The following CADM2 variants were observed in gnomAD, a reference collection of about 807,000 sequenced individuals.
CADM2 encodes cell adhesion molecule 2, also known as immunoglobulin superfamily member 4D.
CADM2 carries 12 observed loss-of-function variants against 49.8 expected under a neutral mutation model. The ratio of observed to expected loss-of-function variants is 0.24; its 90% CI spans 0.15 to 0.39. CADM2 has a LOEUF of 0.39. CADM2 is among the 10% of genes least tolerant of loss of function. The pLI is 1.00. For synonymous variants in CADM2, 214 were observed against 175.4 expected, an observed-to-expected ratio of 1.22 and a Z score of -1.74; for missense variants, 378 against 492.3, an observed-to-expected ratio of 0.77 and a Z score of 2.20.
intron 1 of CADM2, chr3:85,512,042 C>A: frequency 1.0e-5 from 2 of 191,370 alleles, no homozygotes; most frequent in Non-Finnish European, 1.9e-5. Flanking sequence ...GGTACATGTA[C>A]AGGTTTGTTA....
chr3:85,247,656 T>C lies in CADM2; in HGVS notation c.61+287988T>C, dbSNP rs190089354. 7.4e-4 allele frequency among the ~76,000 whole-genome samples: 112 copies of C among 152,302 alleles called. 1 individual carries two copies. Among genetic ancestry groups the C allele is most frequent in the Non-Finnish European group, 2.5e-4 (17 of 68,008 alleles). ...AATTATTTAGGAGCTGCGAATTGAC[T>C]TGGAATAGTATGAATTATGTTTGTT... On this transcript the variant is annotated intron_variant, in intron 1 of 9. Coordinates refer to ENST00000383699, the MANE Select transcript of CADM2 (RefSeq NM_001167675.2).
At chr3:85,786,413 G>T (rs1174859093) in intron 2 of CADM2, among the ~76,000 whole-genome samples, 3 of 151,916 alleles carry the variant, frequency 2.0e-5, no homozygotes, top group Non-Finnish European at 4.4e-5. Context: ...ATAGGGTAAT[G>T]TTCCCCTAGA....
intron 1 of CADM2, among the ~76,000 whole-genome samples, chr3:85,015,833 T>G (rs1287853943): frequency 6.6e-6 from 1 of 152,078 alleles, no homozygotes; most frequent in Non-Finnish European, 1.5e-5. Flanking sequence ...TAGAATGGAG[T>G]GTTTCAGGTG....
intron 1 of CADM2, among the ~76,000 whole-genome samples, chr3:85,461,763 A>C (rs925830059): frequency 5.1e-4 from 77 of 152,196 alleles, no homozygotes; most frequent in Admixed American, 4.3e-3. Flanking sequence ...CAATTCTCTC[A>C]TTTGAAAGAA....
At chr3:85,970,760 T>C (rs1378393956) in intron 8 of CADM2, among the ~76,000 whole-genome samples, 1 of 151,602 alleles carries the variant, frequency 6.6e-6, no homozygotes, top group Non-Finnish European at 1.5e-5. Context: ...CACAGTTTAG[T>C]TAATCCTCAA....
At chr3:85,852,909 C>A (rs2075164789) in intron 3 of CADM2, among the ~76,000 whole-genome samples, 1 of 152,022 alleles carries the variant, frequency 6.6e-6, no homozygotes, top group Non-Finnish European at 1.5e-5. Flanking sequence ...TCTGCTGAAT[C>A]AATTAATGGA....
intron 1 of CADM2, among the ~76,000 whole-genome samples, chr3:85,491,191 T>C (rs531584503): frequency 4.9e-4 from 74 of 152,302 alleles, no homozygotes; most frequent in South Asian, 1.0e-3. Flanking sequence ...AAAGCATACA[T>C]GGAAGGCCCT....
intron 1 of CADM2, among the ~76,000 whole-genome samples, chr3:85,272,902 A>G (rs1425059632): frequency 6.6e-6 from 1 of 151,246 alleles, no homozygotes; most frequent in Non-Finnish European, 1.5e-5. Context: ...ACACTAAGCA[A>G]CAACAACAAC....
At chr3:85,422,567 T>A (rs1286682316) in intron 1 of CADM2, among the ~76,000 whole-genome samples, 1 of 152,106 alleles carries the variant, frequency 6.6e-6, no homozygotes, top group East Asian at 1.9e-4. Flanking sequence ...ATGAGCCACC[T>A]CACCCAGCCC....
At position 85,663,591 on chromosome 3, in the gene CADM2, G is replaced by T. The variant is rs183645479; in HGVS notation, c.62-62931G>T. The stretch of plus-strand genomic sequence containing the variant: ...GCTATTACTAGCTGTGACTAGCAAA[G>T]ACCAACTCCTTCAATTTTGTATGGA... On this transcript the variant is annotated intron_variant, in intron 1 of 9. Transcript: ENST00000383699. 1.3e-4 allele frequency among the ~76,000 whole-genome samples: 20 copies of T among 152,124 alleles called. No homozygotes were observed. The East Asian group carries it at 2.3e-3, about 18-fold the overall frequency.
At chr3:85,239,172 G>A (rs2042474310) in intron 1 of CADM2, among the ~76,000 whole-genome samples, 1 of 151,770 alleles carries the variant, frequency 6.6e-6, no homozygotes, top group Non-Finnish European at 1.5e-5. Context: ...CAAGCATGGA[G>A]GAGGAATTTT....
intron 1 of CADM2, among the ~76,000 whole-genome samples, chr3:85,039,336 A>T (rs984259904): frequency 6.6e-6 from 1 of 151,392 alleles, no homozygotes; most frequent in Non-Finnish European, 1.5e-5. Flanking sequence ...GTCCAGTCAG[A>T]GAATCTTTTT....
intron 1 of CADM2, among the ~76,000 whole-genome samples, chr3:85,564,406 C>G (rs2062193728): frequency 6.6e-6 from 1 of 152,070 alleles, no homozygotes; most frequent in Non-Finnish European, 1.5e-5. Flanking sequence ...GAGTAAGAGT[C>G]TAGCACGGGT....
chr3:85,717,440 C>T (rs1004715857), intron 1 of CADM2, among the ~76,000 whole-genome samples: 2 of 152,140 alleles, frequency 1.3e-5, no homozygotes, highest in African/African-American at 4.8e-5. Flanking sequence ...TATCTGCAAA[C>T]AGGTAATTTG....
intron 1 of CADM2, among the ~76,000 whole-genome samples, chr3:85,514,127 T>G (rs746024981): frequency 2.6e-5 from 4 of 152,022 alleles, no homozygotes; most frequent in Non-Finnish European, 5.9e-5. Flanking sequence ...ATTAGCAATT[T>G]TTTTCTTTTA....
intron 1 of CADM2, among the ~76,000 whole-genome samples, chr3:85,138,596 A>AT (rs2039486836): frequency 6.6e-6 from 1 of 152,206 alleles, no homozygotes; most frequent in Non-Finnish European, 1.5e-5. Flanking sequence ...TTGCCATATT[A>AT]TACTATACTA....
intron 1 of CADM2, among the ~76,000 whole-genome samples, chr3:85,473,147 T>C (rs1278848134): frequency 6.6e-6 from 1 of 152,094 alleles, no homozygotes; most frequent in Non-Finnish European, 1.5e-5. Flanking sequence ...GTTACTTTCC[T>C]TTGAAAATGA....
chr3:85,522,677 A>G (rs2061053411), intron 1 of CADM2, among the ~76,000 whole-genome samples: 1 of 152,126 alleles, frequency 6.6e-6, no homozygotes, highest in Non-Finnish European at 1.5e-5. Context: ...CAAGAAATCA[A>G]GAAGCTTGTG....
intron 6 of CADM2, among the ~76,000 whole-genome samples, chr3:85,923,477 T>C (rs1719406443): frequency 6.6e-6 from 1 of 151,372 alleles, no homozygotes; most frequent in Admixed American, 6.6e-5. Context: ...TTAATTTCCT[T>C]CTTTTGCCAT....
Sources: allele counts gnomAD v4.1 joint callset (sites outside exome capture counted in the v4.1 genomes callset), GRCh38; gene constraint gnomAD v4.1.1; transcripts MANE v1.5; gene names NCBI Gene and HGNC (gene_info 2026-07-23, HGNC 2026-07-21).